SNTG1: variants seen among roughly 807,000 people sequenced by gnomAD.
SNTG1 encodes syntrophin gamma 1.
In SNTG1, 39 loss-of-function variants were observed where a neutral mutation model predicts 74.7. The ratio of observed to expected loss-of-function variants is 0.52; its 90% CI spans 0.40 to 0.68. The LOEUF is 0.68. SNTG1 is among the 30% of genes least tolerant of loss of function. SNTG1 has a pLI of 0.00. For synonymous variants in SNTG1, 254 were observed against 217.1 expected (o/e 1.17, Z -1.49); for missense variants, 685 against 609.5 (o/e 1.12, Z -1.30).
intron 17 of SNTG1, among the ~76,000 whole-genome samples, chr8:50,722,085 A>T (rs112959588): frequency 0.016 from 2,271 of 145,882 alleles, 51 homozygotes; most frequent in African/African-American, 0.057. Context: ...TTGCACATGG[A>T]TTAATCATTA....
chr8:50,144,015 A>G (rs2081768317), intron 1 of SNTG1, among the ~76,000 whole-genome samples: 1 of 152,198 alleles, frequency 6.6e-6, no homozygotes, highest in Non-Finnish European at 1.5e-5. Context: ...TGAATCCTGG[A>G]GAGCAGGACC....
In SNTG1 at chr8:50,786,175, G is replaced by C. The variant is rs543980114; in HGVS notation, c.1396-6496G>C. Among the ~76,000 whole-genome samples the C allele has an allele frequency of 7.2e-5, 11 of 152,000 alleles. No individual in the cohort carries two copies. The South Asian group carries it at 1.7e-3, about 23-fold the overall frequency. On this transcript the variant is annotated intron_variant, in intron 18 of 18. Coordinates refer to ENST00000642720, the MANE Select transcript of SNTG1 (RefSeq NM_018967.5). ...ACTAACTAGTAAATGACTTCTGCAA[G>C]GTTGCAGCATACAATCCCAATGCAC...
chr8:50,569,610 A>T (rs935185962), intron 12 of SNTG1, among the ~76,000 whole-genome samples: 1 of 152,190 alleles, frequency 6.6e-6, no homozygotes, highest in Non-Finnish European at 1.5e-5. Context: ...TTGTAGGTGA[A>T]TTGAAAATCA....
At chr8:50,365,199 A>G (rs2092075014) in intron 2 of SNTG1, among the ~76,000 whole-genome samples, 2 of 152,130 alleles carry the variant, frequency 1.3e-5, no homozygotes, top group Admixed American at 1.3e-4. Context: ...AAAGACATCT[A>G]AAACTAGATT....
intron 2 of SNTG1, among the ~76,000 whole-genome samples, chr8:50,290,536 T>C (rs976180814): frequency 6.6e-6 from 1 of 152,158 alleles, no homozygotes; most frequent in African/African-American, 2.4e-5. Context: ...CTAATACTTT[T>C]AGTTTGCAGT....
At chr8:50,280,723 C>G (rs766962139) in intron 2 of SNTG1, among the ~76,000 whole-genome samples, 1 of 152,024 alleles carries the variant, frequency 6.6e-6, no homozygotes, top group Non-Finnish European at 1.5e-5. Context: ...AGGAGTGTCT[C>G]AGTTAATATA....
chr8:50,181,447 A>C (rs1452768185), intron 2 of SNTG1, among the ~76,000 whole-genome samples: 1 of 152,230 alleles, frequency 6.6e-6, no homozygotes, highest in Non-Finnish European at 1.5e-5. Flanking sequence ...TAGCACGTGC[A>C]TCAGTCCTAC....
At chr8:50,139,172 T>C (rs1429791554) in intron 1 of SNTG1, among the ~76,000 whole-genome samples, 1 of 152,210 alleles carries the variant, frequency 6.6e-6, no homozygotes, top group African/African-American at 2.4e-5. Flanking sequence ...TAGTTCAGAT[T>C]ACAATGAATT....
At position 50,553,126 on chromosome 8, in the gene SNTG1, G is replaced by A. The variant is rs769991462; in HGVS notation, c.757G>A (p.Val253Ile). Residue 253 changes from valine to isoleucine, a missense_variant, in exon 12 of 19, where the codon GTT (valine) becomes ATT (isoleucine). Val to Ile is a conservative substitution (Grantham distance 29). Coordinates refer to ENST00000642720, the MANE Select transcript of SNTG1 (RefSeq NM_018967.5). Reference protein sequence around the residue: ...IIQCLSAEDCVDWLQAIATNI... With the variant: ...IIQCLSAEDCIDWLQAIATNI... ...TCAGTGCCTCTCTGCTGAAGACTGC[G>A]TTGACTGGCTACAAGCAATAGCAAC... The A allele has an allele frequency of 3.1e-5, 50 of 1,613,800 alleles. No individual in the cohort carries two copies. The highest frequency in any genetic ancestry group is 1.2e-4 in the Admixed American group (7 of 59,942).
intron 1 of SNTG1, among the ~76,000 whole-genome samples, chr8:50,037,810 C>A (rs781710575): frequency 6.6e-6 from 1 of 152,046 alleles, no homozygotes; most frequent in Non-Finnish European, 1.5e-5. Context: ...ATGGTAAATA[C>A]GTAATAAATC....
At chr8:50,497,102 T>G (rs1330259194) in intron 8 of SNTG1, among the ~76,000 whole-genome samples, 1 of 152,052 alleles carries the variant, frequency 6.6e-6, no homozygotes, top group South Asian at 2.1e-4. Flanking sequence ...TAAGTGACCT[T>G]ATATTTTAAA....
chr8:50,747,915 T>C (rs151244424), intron 17 of SNTG1: 33 of 152,086 alleles, frequency 2.2e-4, no homozygotes, highest in African/African-American at 7.7e-4. Flanking sequence ...TTTGTCTTTT[T>C]TGTAGACAGG....
intron 8 of SNTG1, 37 bp downstream of exon 8, chr8:50,450,766 A>G (rs1409199220): frequency 6.2e-7 from 1 of 1,600,838 alleles, no homozygotes. Context: ...AGTTTTCCCC[A>G]TGTGCAAATA....
intron 2 of SNTG1, among the ~76,000 whole-genome samples, chr8:50,268,712 C>T (rs566517238): frequency 1.3e-5 from 2 of 151,590 alleles, no homozygotes; most frequent in African/African-American, 4.8e-5. Context: ...GCTAGAATGC[C>T]GTGGCAGGAT....
At chr8:50,174,064 A>T (rs1305435209) in intron 2 of SNTG1, among the ~76,000 whole-genome samples, 4 of 152,120 alleles carry the variant, frequency 2.6e-5, no homozygotes, top group African/African-American at 9.7e-5. Flanking sequence ...TTGAGCTCCC[A>T]CTTACACATG....
At chr8:50,370,892 A>T (rs925662563) in intron 2 of SNTG1, among the ~76,000 whole-genome samples, 1 of 152,168 alleles carries the variant, frequency 6.6e-6, no homozygotes, top group Non-Finnish European at 1.5e-5. Flanking sequence ...AAAGGAAAAT[A>T]AAAGTTGGAT....
chr8:50,384,467 C>T (rs1348475344), intron 2 of SNTG1, among the ~76,000 whole-genome samples: 1 of 151,952 alleles, frequency 6.6e-6, no homozygotes, highest in Non-Finnish European at 1.5e-5. Context: ...TCAATAAGCA[C>T]AACATGCTGA....
chr8:49,933,563 T>C (rs949906837), intron 1 of SNTG1, among the ~76,000 whole-genome samples: 8 of 152,228 alleles, frequency 5.3e-5, no homozygotes, highest in Non-Finnish European at 1.2e-4. Context: ...TTATTTTTGC[T>C]TGTGGATTTC....
chr8:50,033,212 C>T (rs185854789), intron 1 of SNTG1, among the ~76,000 whole-genome samples: 42 of 152,104 alleles, frequency 2.8e-4, no homozygotes, highest in Admixed American at 2.4e-3. Context: ...CAACCTCTGC[C>T]TCCTGAGTTC....
Sources: gnomAD v4.1 joint callset for allele counts (sites outside exome capture counted in the v4.1 genomes callset) on GRCh38, gnomAD v4.1.1 for gene constraint, MANE v1.5 for transcripts, NCBI Gene and HGNC (gene_info 2026-07-23, HGNC 2026-07-21) for gene names.